STAP1: variants seen among roughly 807,000 people sequenced by gnomAD.
STAP1 encodes the protein signal transducing adaptor family member 1.
In STAP1, 30 loss-of-function variants were observed where a neutral mutation model predicts 37.8. The ratio of observed to expected loss-of-function variants is 0.79; its 90% confidence interval spans 0.59 to 1.08. The LOEUF (loss-of-function observed/expected upper bound fraction) is 1.08. STAP1 is among the 50% of genes least tolerant of loss of function. The pLI is 0.00. For synonymous variants in STAP1, 130 were observed against 116.0 expected, an observed-to-expected ratio of 1.12 and a Z score of -0.78; for missense variants, 357 against 349.4, an observed-to-expected ratio of 1.02 and a Z score of -0.17.
intron 8 of STAP1, among the ~76,000 whole-genome samples, chr4:67,602,166 C>T (rs938119494): frequency 6.6e-6 from 1 of 151,894 alleles, no homozygotes; most frequent in African/African-American, 2.4e-5. Context: ...GTCAATTTTT[C>T]AGGTCCAGAA....
intron 4 of STAP1, among the ~76,000 whole-genome samples, chr4:67,577,829 A>G (rs2109862448): frequency 6.6e-6 from 1 of 151,862 alleles, no homozygotes; most frequent in East Asian, 1.9e-4. Context: ...CTGTATTTTT[A>G]GTAGAGATGA....
chr4:67,575,865 T>C (rs62301134), intron 3 of STAP1, among the ~76,000 whole-genome samples: 29,768 of 152,108 alleles, frequency 0.2, 3,531 homozygotes, highest in Non-Finnish European at 0.27. Context: ...CTCGGAGACT[T>C]TTCCTGGGAG....
At chr4:67,562,141 G>GTT (rs537306085) in intron 1 of STAP1, among the ~76,000 whole-genome samples, 87 of 147,546 alleles carry the variant, frequency 5.9e-4, no homozygotes, top group Non-Finnish European at 1.1e-3. Context: ...ATAAGAGATA[G>GTT]TTTGGGCAAC....
intron 1 of STAP1, among the ~76,000 whole-genome samples, chr4:67,559,478 C>T (rs1168958336): frequency 6.6e-6 from 1 of 151,980 alleles, no homozygotes; most frequent in African/African-American, 2.4e-5. Flanking sequence ...AAGATAGTGA[C>T]TTTTAATTTT....
chr4:67,583,151 A>T (rs1020047539), intron 5 of STAP1, among the ~76,000 whole-genome samples: 13 of 152,366 alleles, frequency 8.5e-5, no homozygotes, highest in African/African-American at 2.6e-4. Flanking sequence ...ACATATTTAA[A>T]TATCAGTTGT....
intron 8 of STAP1, among the ~76,000 whole-genome samples, chr4:67,594,080 T>C (rs1342372601): frequency 6.6e-6 from 1 of 152,194 alleles, no homozygotes; most frequent in Non-Finnish European, 1.5e-5. Flanking sequence ...TAATAGTCTC[T>C]CTCTATCTTA....
At chr4:67,586,882 GT>G (rs757227712) in intron 6 of STAP1, among the ~76,000 whole-genome samples, 127 of 152,274 alleles carry the variant, frequency 8.3e-4, no homozygotes, top group Non-Finnish European at 1.4e-3. Flanking sequence ...AAGTATATTG[GT>G]TAAACTAAAG....
chr4:67,566,030 C>A (rs1308977582), intron 1 of STAP1, among the ~76,000 whole-genome samples: 5 of 142,940 alleles, frequency 3.5e-5, no homozygotes, highest in East Asian at 4.2e-4. Context: ...CTCACTGCAA[C>A]CTTCGCTTCC....
chr4:67,590,525 A>C (rs1412034143), intron 6 of STAP1, among the ~76,000 whole-genome samples: 4 of 152,182 alleles, frequency 2.6e-5, no homozygotes, highest in Non-Finnish European at 4.4e-5. Flanking sequence ...TTGATTTTAT[A>C]TACCTACATA....
intron 6 of STAP1, among the ~76,000 whole-genome samples, chr4:67,584,568 G>A (rs1727938787): frequency 6.6e-6 from 1 of 152,150 alleles, no homozygotes; most frequent in Non-Finnish European, 1.5e-5. Context: ...AATATAGAGT[G>A]GTCAAGGAAG....
intron 1 of STAP1, among the ~76,000 whole-genome samples, chr4:67,563,351 T>G (rs903224632): frequency 6.6e-6 from 1 of 152,222 alleles, no homozygotes; most frequent in African/African-American, 2.4e-5. Flanking sequence ...GCTCTTAGTG[T>G]TCTGTCACTG....
chr4:67,583,682 C>T lies in STAP1; in HGVS notation c.639C>T (p.Ile213=), dbSNP rs935806363. The change falls in exon 6 of 9, where the codon ATC becomes ATT. Residue 213 remains isoleucine (I), a synonymous_variant. Coordinates refer to ENST00000265404, the MANE Select transcript of STAP1 (RefSeq NM_012108.4). ...RPGSDSRNYS[I]TIRQEIDIPR... ...GTAGTGACAGTAGAAACTACTCCAT[C>T]ACTATTCGGCAGGAGATAGAGTATG... 1.9e-6 allele frequency: 3 copies of T among 1,612,188 alleles called. No homozygotes were observed. The highest frequency in any genetic ancestry group is 1.7e-5 in the Admixed American group (1 of 59,580).
intron 8 of STAP1, among the ~76,000 whole-genome samples, chr4:67,598,927 G>A (rs193219089): frequency 5.3e-5 from 8 of 152,238 alleles, no homozygotes; most frequent in East Asian, 1.9e-4. Flanking sequence ...GTAATGAAGC[G>A]ATGCTGAATT....
At chr4:67,559,305 A>T (rs1460981056) in intron 1 of STAP1, among the ~76,000 whole-genome samples, 2 of 152,166 alleles carry the variant, frequency 1.3e-5, no homozygotes, top group African/African-American at 4.8e-5. Context: ...TGTACCATTA[A>T]GATAAAATGA....
Position 67,606,456 on chromosome 4 carries a change from A to G in STAP1, c.*99A>G. On this transcript the variant is annotated 3_prime_UTR_variant, in exon 9 of 9. Coordinates refer to ENST00000265404, the MANE Select transcript of STAP1 (RefSeq NM_012108.4). ...AATTACCTATATTCTCCTGATACTG[A>G]TTACCAAGTCATTCACCTGAACACC... is the stretch of plus-strand genomic sequence containing the variant. 1.0e-6 allele frequency: 1 copy of G among 959,124 alleles called. No homozygotes were observed. The highest frequency in any genetic ancestry group is 1.5e-6 in the Non-Finnish European group (1 of 650,482). 59.4% of individuals were successfully genotyped at this position (959,124 alleles called of 1,614,324 possible). A position where few individuals can be genotyped will look rare whatever the true frequency, so the allele number is the denominator to read the frequency against.
intron 6 of STAP1, among the ~76,000 whole-genome samples, chr4:67,588,607 C>T (rs1490089440): frequency 6.6e-6 from 1 of 152,074 alleles, no homozygotes; most frequent in Non-Finnish European, 1.5e-5. Context: ...GACGGGGTTT[C>T]ACCGTGTTAG....
intron 1 of STAP1, among the ~76,000 whole-genome samples, chr4:67,570,073 A>G (rs1727566728): frequency 6.6e-6 from 1 of 152,152 alleles, no homozygotes; most frequent in Admixed American, 6.5e-5. Context: ...TGGAGCTGTC[A>G]TCTCTATGAT....
At chr4:67,606,094 T>C (rs1300883015) in intron 8 of STAP1, among the ~76,000 whole-genome samples, 2 of 152,064 alleles carry the variant, frequency 1.3e-5, no homozygotes, top group African/African-American at 4.8e-5. Context: ...AGAAAAAAAT[T>C]ATTAGGTACA....
At chr4:67,568,333 A>G (rs996796010) in intron 1 of STAP1, among the ~76,000 whole-genome samples, 1 of 152,212 alleles carries the variant, frequency 6.6e-6, no homozygotes, top group African/African-American at 2.4e-5. Flanking sequence ...ATGGTTCAAT[A>G]AGTTGTAAAA....
Sources: gnomAD v4.1 joint callset for allele counts (sites outside exome capture counted in the v4.1 genomes callset) on GRCh38, gnomAD v4.1.1 for gene constraint, MANE v1.5 for transcripts, NCBI Gene and HGNC (gene_info 2026-07-23, HGNC 2026-07-21) for gene names.